CCDC191: variants seen among roughly 807,000 people sequenced by gnomAD.
The protein encoded by CCDC191 is coiled-coil domain-containing protein 191.
Under a neutral mutation model 114.0 loss-of-function variants are expected in CCDC191, and 99 were observed. That is an observed-to-expected ratio of 0.87 (90% CI 0.74 to 1.03). The LOEUF (loss-of-function observed/expected upper bound fraction) is 1.03, where lower values mean the gene tolerates loss of function less well. Ranked by LOEUF, CCDC191 falls within the 50% of genes least tolerant of loss-of-function variation. CCDC191 has a pLI of 0.00. For missense variants in CCDC191, 973 were observed against 1,087.0 expected (o/e 0.90, Z 1.47); for synonymous variants, 351 against 376.0 (o/e 0.93, Z 0.77).
At chr3:114,024,272 C>T (rs1489550171) in intron 7 of CCDC191, among the ~76,000 whole-genome samples, 5 of 152,254 alleles carry the variant, frequency 3.3e-5, no homozygotes, top group Admixed American at 6.5e-5. Flanking sequence ...CTAGTTCAAC[C>T]GTTGTGGAAG....
intron 16 of CCDC191, among the ~76,000 whole-genome samples, chr3:113,974,390 G>C (rs1941117016): frequency 6.6e-6 from 1 of 151,466 alleles, no homozygotes; most frequent in Non-Finnish European, 1.5e-5. Flanking sequence ...CATGATCTCA[G>C]CTCACTGCAA....
At chr3:114,000,030 AAGG>A (rs889447633) in intron 13 of CCDC191, among the ~76,000 whole-genome samples, 1 of 152,188 alleles carries the variant, frequency 6.6e-6, no homozygotes, top group African/African-American at 2.4e-5. Context: ...ACTACGGTTT[AAGG>A]AGATGTGCAT....
intron 3 of CCDC191, among the ~76,000 whole-genome samples, chr3:114,043,478 A>G (rs1243490614): frequency 6.6e-6 from 1 of 152,218 alleles, no homozygotes; most frequent in Non-Finnish European, 1.5e-5. Flanking sequence ...TAGTAGGTAG[A>G]GGCCAGGGAT....
At chr3:114,005,296 C>T (rs2075931778) in intron 10 of CCDC191, among the ~76,000 whole-genome samples, 1 of 152,114 alleles carries the variant, frequency 6.6e-6, no homozygotes, top group Non-Finnish European at 1.5e-5. Context: ...AGCCGTGACC[C>T]AAATGCTAAC....
chr3:114,035,823 T>C (rs1374454133), intron 5 of CCDC191, among the ~76,000 whole-genome samples: 1 of 152,186 alleles, frequency 6.6e-6, no homozygotes, highest in African/African-American at 2.4e-5. Context: ...ACAATGACTA[T>C]ATAGCTTATT....
chr3:114,001,799 A>G (rs1348923720), intron 12 of CCDC191, 103 bp from the exon 13 acceptor site: 93 of 1,396,310 alleles, frequency 6.7e-5, no homozygotes, highest in Non-Finnish European at 8.9e-5. Flanking sequence ...TGCCTGTCCT[A>G]TCTCTGGAAG....
chr3:114,007,325 C>A (rs774014097), intron 9 of CCDC191, among the ~76,000 whole-genome samples: 1 of 152,180 alleles, frequency 6.6e-6, no homozygotes, highest in African/African-American at 2.4e-5. Context: ...CTTGTTCTAA[C>A]AGGACCCCAT....
intron 16 of CCDC191, among the ~76,000 whole-genome samples, chr3:113,973,550 A>T (rs563984317): frequency 1.3e-5 from 2 of 149,248 alleles, no homozygotes; most frequent in East Asian, 3.9e-4. Flanking sequence ...TCTATCCTTC[A>T]TATTTGAAAG....
intron 4 of CCDC191, among the ~76,000 whole-genome samples, chr3:114,039,960 T>C (rs1452464072): frequency 1.3e-5 from 2 of 152,204 alleles, no homozygotes; most frequent in South Asian, 2.1e-4. Flanking sequence ...AGTAGCGTAT[T>C]TTAATATCCT....
intron 6 of CCDC191, among the ~76,000 whole-genome samples, chr3:114,033,130 C>T (rs139108877): frequency 0.014 from 2,072 of 151,112 alleles, 34 homozygotes; most frequent in Non-Finnish European, 0.017. Flanking sequence ...GTCTCACTCA[C>T]TCTGTCACTC....
intron 13 of CCDC191, among the ~76,000 whole-genome samples, chr3:113,990,668 G>C (rs1055437916): frequency 4.0e-5 from 6 of 151,458 alleles, no homozygotes; most frequent in Middle Eastern, 3.4e-3. Context: ...TTTCACCAGT[G>C]AATTCTACCA....
intron 7 of CCDC191, among the ~76,000 whole-genome samples, chr3:114,021,297 A>G (rs554503844): frequency 6.6e-6 from 1 of 152,222 alleles, no homozygotes; most frequent in Non-Finnish European, 1.5e-5. Flanking sequence ...AGACTTTGAG[A>G]CCAAAATGAT....
At chr3:114,016,910 C>A (rs1435601524) in intron 8 of CCDC191, among the ~76,000 whole-genome samples, 4 of 152,144 alleles carry the variant, frequency 2.6e-5, no homozygotes, top group Non-Finnish European at 5.9e-5. Context: ...ATCCTGCCAG[C>A]TATTCCTTTC....
rs1559903269 is a variant in CCDC191 at position 114,006,612 on chromosome 3, ATATAT to A, written c.1414-655_1414-651del. On this transcript the variant is annotated intron_variant, in intron 9 of 16. Coordinates refer to ENST00000295878, the MANE Select transcript of CCDC191 (RefSeq NM_020817.2). ...GATATATATATATATATATATATAT[ATATAT>A]AAATATATATATTTTATATATAAAA... 6.0e-3 allele frequency among the ~76,000 whole-genome samples: 768 copies of A among 129,062 alleles called. 20 individuals carry two copies. The highest frequency in any genetic ancestry group is 0.021 in the African/African-American group (697 of 33,542). The allele number at this position is 129,062 out of a possible 152,430, so 84.7% of individuals were successfully genotyped here. A position where few individuals can be genotyped will look rare whatever the true frequency, so the allele number is the denominator to read the frequency against.
At position 114,001,691 on chromosome 3, in the gene CCDC191, C is replaced by T. The variant is rs1038440174; in HGVS notation, c.2067G>A (p.Gln689=). The part of the protein sequence containing the change: ...KKKQEEEKLA[Q]LKAQEEERQK... ...GACGTTCCTCCTCTTGGGCCTTTAA[C>T]TGGGCCTGATTGAGATTAGAACCCA... is the stretch of plus-strand genomic sequence containing the variant. The change falls in exon 13 of 17, where the codon CAG becomes CAA. Residue 689 remains glutamine, a synonymous_variant. Coordinates refer to ENST00000295878, the MANE Select transcript of CCDC191 (RefSeq NM_020817.2). The T allele has an allele frequency of 4.3e-6, 7 of 1,613,798 alleles. No individual in the cohort carries two copies. The highest frequency in any genetic ancestry group is 5.1e-6 in the Non-Finnish European group (6 of 1,179,828).
At chr3:114,033,972 C>CACT (rs2076444789) in intron 6 of CCDC191, among the ~76,000 whole-genome samples, 1 of 152,364 alleles carries the variant, frequency 6.6e-6, no homozygotes, top group Admixed American at 6.5e-5. Flanking sequence ...AGTAGTCAGA[C>CACT]ACTTCAGTCA....
chr3:114,043,585 CTT>C (rs1399423147), intron 3 of CCDC191, among the ~76,000 whole-genome samples: 1 of 152,170 alleles, frequency 6.6e-6, no homozygotes, highest in Non-Finnish European at 1.5e-5. Flanking sequence ...TGCTTACACT[CTT>C]GACACAATTC....
At chr3:114,003,429 G>A (rs759223184) in intron 11 of CCDC191, 645 of 985,204 alleles carry the variant, frequency 6.5e-4, no homozygotes, top group Non-Finnish European at 7.4e-4. Context: ...AAAAAGAATG[G>A]TAGTGCCACA....
intron 2 of CCDC191, among the ~76,000 whole-genome samples, chr3:114,048,332 G>A (rs1299390419): frequency 6.6e-6 from 1 of 152,142 alleles, no homozygotes. Context: ...GCCACATAAT[G>A]TGTGTCACAA....
Sources: gnomAD v4.1 joint callset for allele counts (sites outside exome capture counted in the v4.1 genomes callset) on GRCh38, gnomAD v4.1.1 for gene constraint, MANE v1.5 for transcripts, NCBI Gene and HGNC (gene_info 2026-07-23, HGNC 2026-07-21) for gene names.